Variants in TMEM132D observed in about 807,000 individuals in gnomAD.
TMEM132D encodes the protein transmembrane protein 132D.
TMEM132D carries 21 observed loss-of-function variants against 62.3 expected under a neutral mutation model. The ratio of observed to expected loss-of-function variants is 0.34; its 90% CI spans 0.24 to 0.49. TMEM132D has a LOEUF of 0.49. Ranked by LOEUF, TMEM132D falls within the 20% of genes least tolerant of loss-of-function variation. The pLI, the probability that TMEM132D is intolerant of heterozygous loss-of-function variation, is 0.99. For missense variants in TMEM132D, 1,346 were observed against 1,402.8 expected (o/e 0.96, Z 0.65); for synonymous variants, 621 against 575.6 (o/e 1.08, Z -1.13).
chr12:129,558,358 G>A (rs1420681086), intron 2 of TMEM132D, among the ~76,000 whole-genome samples: 2 of 152,138 alleles, frequency 1.3e-5, no homozygotes, highest in African/African-American at 4.8e-5. Context: ...CCATTCCTAT[G>A]GGTTTCATCT....
At chr12:129,628,240 C>T (rs182045) in intron 2 of TMEM132D, among the ~76,000 whole-genome samples, 34,317 of 152,128 alleles carry the variant, frequency 0.23, 4,223 homozygotes, top group Admixed American at 0.28. Flanking sequence ...ATGTGTACTT[C>T]CAGCAATTTC....
At chr12:129,095,890 G>A (rs1872710) in intron 5 of TMEM132D, among the ~76,000 whole-genome samples, 1 of 152,032 alleles carries the variant, frequency 6.6e-6, no homozygotes, top group Non-Finnish European at 1.5e-5. Context: ...GGGAACCCTA[G>A]GAAACTGCAA....
At chr12:129,152,363 T>C (rs1877099535) in intron 5 of TMEM132D, among the ~76,000 whole-genome samples, 1 of 152,164 alleles carries the variant, frequency 6.6e-6, no homozygotes, top group Non-Finnish European at 1.5e-5. Context: ...CAGGTCCATC[T>C]CATCTCCAAT....
At chr12:129,408,763 C>G (rs375540362) in intron 3 of TMEM132D, among the ~76,000 whole-genome samples, 1 of 152,144 alleles carries the variant, frequency 6.6e-6, no homozygotes, top group African/African-American at 2.4e-5. Flanking sequence ...TGCATATACA[C>G]TCATGTGCAC....
intron 3 of TMEM132D, among the ~76,000 whole-genome samples, chr12:129,455,524 G>A (rs529062245): frequency 6.6e-6 from 1 of 152,174 alleles, no homozygotes; most frequent in Non-Finnish European, 1.5e-5. Context: ...ATAAATAGTA[G>A]TAAAAACATG....
At chr12:129,873,986 C>T (rs1304669819) in intron 1 of TMEM132D, among the ~76,000 whole-genome samples, 2 of 152,210 alleles carry the variant, frequency 1.3e-5, no homozygotes, top group Non-Finnish European at 2.9e-5. Context: ...TGATCTACCA[C>T]TCTTCCTCTC....
chr12:129,398,831 T>TATTC lies in TMEM132D; in HGVS notation c.1116-61018_1116-61015dup, dbSNP rs755307203. On this transcript the variant is annotated intron_variant, in intron 3 of 8. Coordinates refer to ENST00000422113, the MANE Select transcript of TMEM132D (RefSeq NM_133448.3). ...CTTAGACAATGCATATCTATTTATGTATTCATCCATCCATCCATCCATCCA... is the reference window on the plus strand; with the variant it reads ...CTTAGACAATGCATATCTATTTATGTATTCATTCATCCATCCATCCATCCATCCA... Among the ~76,000 whole-genome samples, 186 of 109,622 alleles carry TATTC rather than the reference T, an allele frequency of 1.7e-3. 1 individual carries two copies. The highest frequency in any genetic ancestry group is 2.5e-3 in the Non-Finnish European group (126 of 50,228). 71.9% of individuals were successfully genotyped at this position (109,622 alleles called of 152,430 possible). A position where few individuals can be genotyped will look rare whatever the true frequency, so the allele number is the denominator to read the frequency against.
chr12:129,436,873 AG>A (rs1872801036), intron 3 of TMEM132D, among the ~76,000 whole-genome samples: 1 of 152,234 alleles, frequency 6.6e-6, no homozygotes, highest in African/African-American at 2.4e-5. Flanking sequence ...GGAAAAAGCA[AG>A]AATGAGATTT....
intron 3 of TMEM132D, among the ~76,000 whole-genome samples, chr12:129,501,046 T>C (rs1875125425): frequency 6.6e-6 from 1 of 152,268 alleles, no homozygotes; most frequent in African/African-American, 2.4e-5. Flanking sequence ...GAGCACCTTT[T>C]GTCTACGATA....
chr12:129,872,508 G>A (rs147746980), intron 1 of TMEM132D, among the ~76,000 whole-genome samples: 4 of 152,250 alleles, frequency 2.6e-5, no homozygotes, highest in Admixed American at 2.0e-4. Flanking sequence ...GCAGAATAAC[G>A]TTAAGAACTA....
chr12:129,725,031 G>A (rs564588286), intron 1 of TMEM132D, among the ~76,000 whole-genome samples: 6 of 152,274 alleles, frequency 3.9e-5, no homozygotes, highest in Admixed American at 3.9e-4. Flanking sequence ...GCTACCCTCT[G>A]GTTGTCTCTT....
At chr12:129,357,416 A>G (rs1313618860) in intron 3 of TMEM132D, among the ~76,000 whole-genome samples, 1 of 150,748 alleles carries the variant, frequency 6.6e-6, no homozygotes, top group Non-Finnish European at 1.5e-5. Context: ...GGAAGGAAGG[A>G]GAAAGAAAGA....
intron 1 of TMEM132D, among the ~76,000 whole-genome samples, chr12:129,859,097 G>C (rs1255650194): frequency 6.6e-6 from 1 of 152,220 alleles, no homozygotes; most frequent in African/African-American, 2.4e-5. Flanking sequence ...TTACAAAAGA[G>C]TCCTGCGGGA....
chr12:129,432,958 C>T (rs1285357332), intron 3 of TMEM132D, among the ~76,000 whole-genome samples: 1 of 152,128 alleles, frequency 6.6e-6, no homozygotes, highest in African/African-American at 2.4e-5. Flanking sequence ...TAAACATTAC[C>T]CTGACTTCTG....
chr12:129,873,226 G>A (rs1306384339), intron 1 of TMEM132D, among the ~76,000 whole-genome samples: 5 of 152,050 alleles, frequency 3.3e-5, no homozygotes, highest in African/African-American at 1.2e-4. Flanking sequence ...ACTATCTTCA[G>A]GCCTCTTTGT....
chr12:129,503,915 CCAT>C (rs923828678), intron 3 of TMEM132D, among the ~76,000 whole-genome samples: 37 of 152,058 alleles, frequency 2.4e-4, no homozygotes, highest in Middle Eastern at 3.4e-3. Flanking sequence ...ATCACTATTG[CCAT>C]CATCATCATC....
chr12:129,316,160 C>A lies in TMEM132D; in HGVS notation c.1299+21474G>T, dbSNP rs532717289. Among the ~76,000 whole-genome samples the A allele has an allele frequency of 1.6e-4, 24 of 152,048 alleles. No individual in the cohort carries two copies. The South Asian group carries it at 4.0e-3, about 25-fold the overall frequency. On this transcript the variant is annotated intron_variant, in intron 4 of 8. Transcript: ENST00000422113. ...CAATTTTATTTAGTTCTGCTCTGATCTTGGTTATTTCCTTTCTTCTGCTGG... is the reference window on the plus strand; with the variant it reads ...CAATTTTATTTAGTTCTGCTCTGATATTGGTTATTTCCTTTCTTCTGCTGG...
chr12:129,629,969 C>T (rs1412845173), intron 2 of TMEM132D, among the ~76,000 whole-genome samples: 1 of 152,194 alleles, frequency 6.6e-6, no homozygotes, highest in Non-Finnish European at 1.5e-5. Flanking sequence ...ATTGAGCCAG[C>T]ACTTGAAAAG....
intron 2 of TMEM132D, among the ~76,000 whole-genome samples, chr12:129,549,680 C>G (rs749697352): frequency 7.2e-5 from 11 of 152,356 alleles, no homozygotes; most frequent in Middle Eastern, 3.4e-3. Context: ...GACAAATACA[C>G]TTCCCTACTC....
Sources: gnomAD v4.1 joint callset for allele counts (sites outside exome capture counted in the v4.1 genomes callset) on GRCh38, gnomAD v4.1.1 for gene constraint, MANE v1.5 for transcripts, NCBI Gene and HGNC (gene_info 2026-07-23, HGNC 2026-07-21) for gene names.